ZNF345: variants seen among roughly 807,000 people sequenced by gnomAD.
ZNF345 encodes the protein zinc finger protein 345.
For missense variants in ZNF345, 527 were observed against 589.9 expected (o/e 0.89, Z 1.10); for synonymous variants, 166 against 187.9 (o/e 0.88, Z 0.95).
In ZNF345 at chr19:36,877,226, C is replaced by A; in HGVS notation, c.396C>A (p.Asn132Lys). The change falls in exon 3 of 3, where the codon AAC (asparagine) becomes AAA (lysine). Residue 132 changes from asparagine (N) to lysine (K), a missense_variant. Physicochemically the swap from Asn to Lys is moderately conservative, Grantham distance 94 (BLOSUM62 0). Transcript: ENST00000420450. ...GGAAGGCCTTTGGTAGTGGCTCAAA[C>A]CTTACTCACCATCAGAGAATTCATA... ...ECGKAFGSGSNLTHHQRIHTG... is the reference protein window; with the variant it reads ...ECGKAFGSGSKLTHHQRIHTG... 1 of 1,613,588 alleles carries A rather than the reference C, an allele frequency of 6.2e-7. No homozygotes were observed. The highest frequency in any genetic ancestry group is 8.5e-7 in the Non-Finnish European group (1 of 1,179,786).
chr19:36,872,271 C>G (rs1163076028), intron 2 of ZNF345, among the ~76,000 whole-genome samples: 1 of 152,148 alleles, frequency 6.6e-6, no homozygotes. Context: ...TCAGGTTGCT[C>G]TACTACTGTT....
intron 3 of ZNF345, chr19:36,892,033 G>C (rs370786414): frequency 1.5e-5 from 25 of 1,613,802 alleles, no homozygotes; most frequent in Admixed American, 1.7e-5. Flanking sequence ...ATTAAGGTTT[G>C]AGCAATACTT....
At chr19:36,884,188 C>T (rs746910366), downstream of ZNF345, among the ~76,000 whole-genome samples, 3 of 152,116 alleles carry the variant, frequency 2.0e-5, no homozygotes, top group African/African-American at 4.8e-5. Context: ...GCCTCAGCCT[C>T]GTGAGTAGCT....
At chr19:36,884,764 C>T (rs2072987424) in intron 3 of ZNF345, among the ~76,000 whole-genome samples, 1 of 152,164 alleles carries the variant, frequency 6.6e-6, no homozygotes, top group Admixed American at 6.5e-5. Flanking sequence ...CAAACCAAGA[C>T]ACTGTTATTG....
At position 36,878,104 on chromosome 19, in the gene ZNF345, C is replaced by T; in HGVS notation, c.1274C>T (p.Pro425Leu). The part of the protein sequence containing the change: ...RHQRIHTGEK[P>L]YECKECGKAF... Reference sequence around the variant, plus strand: ...CAGAGAATACACACTGGTGAGAAACCCTATGAATGTAAGGAGTGTGGGAAG... The same window carrying T: ...CAGAGAATACACACTGGTGAGAAACTCTATGAATGTAAGGAGTGTGGGAAG... Residue 425 changes from proline to leucine, a missense_variant, in exon 3 of 3, where the codon CCC becomes CTC. Transcript: ENST00000420450. 1 of 1,614,022 alleles carries T rather than the reference C, an allele frequency of 6.2e-7. No homozygotes were observed. Among genetic ancestry groups the T allele is most frequent in the Non-Finnish European group, 8.5e-7 (1 of 1,179,996 alleles).
At chr19:36,890,133 A>G (rs1032271042) in intron 3 of ZNF345, 3 of 152,070 alleles carry the variant, frequency 2.0e-5, no homozygotes, top group African/African-American at 4.8e-5. Context: ...AAGATGTTAG[A>G]TATGATTTTG....
intron 3 of ZNF345, chr19:36,891,324 C>A (rs757550264): frequency 1.6e-6 from 1 of 616,956 alleles, no homozygotes; most frequent in African/African-American, 1.9e-5. Flanking sequence ...GAATAAATTT[C>A]TCTTGTTTTA....
chr19:36,854,566 A>G (rs2072363055), intron 2 of ZNF345: 1 of 152,252 alleles, frequency 6.6e-6, no homozygotes, highest in South Asian at 2.1e-4. Context: ...TACTGGTAAC[A>G]GTGCCTGAGG....
downstream of ZNF345, among the ~76,000 whole-genome samples, chr19:36,882,510 G>A (rs1177946880): frequency 2.0e-5 from 3 of 152,138 alleles, no homozygotes; most frequent in South Asian, 2.1e-4. Context: ...CTCGTGATCC[G>A]CCCGCCTCGG....
intron 2 of ZNF345, among the ~76,000 whole-genome samples, chr19:36,871,435 T>G (rs747853224): frequency 2.0e-5 from 3 of 152,220 alleles, no homozygotes; most frequent in Admixed American, 1.3e-4. Context: ...ACACTTTTTT[T>G]TGTGAGTCAT....
At chr19:36,866,242 T>G (rs1036431301) in intron 2 of ZNF345, among the ~76,000 whole-genome samples, 5 of 152,156 alleles carry the variant, frequency 3.3e-5, no homozygotes, top group African/African-American at 7.2e-5. Context: ...TTGAGGTTTT[T>G]CCTGAAATAT....
chr19:36,877,322 T>C lies in ZNF345; in HGVS notation c.492T>C (p.His164=). The change falls in exon 3 of 3, where the codon CAT becomes CAC. Residue 164 remains histidine, a synonymous_variant. Coordinates refer to ENST00000420450, the MANE Select transcript of ZNF345 (RefSeq NM_001242472.2). The stretch of plus-strand genomic sequence containing the variant: ...GTTTTGGATCAGGCCTTATTCGACA[T>C]CAGATCATTCACAGTGGTGAGAAGC... The part of the protein sequence containing the change: ...AFSFGSGLIR[H]QIIHSGEKPY... 1 of 1,614,080 alleles carries C rather than the reference T, an allele frequency of 6.2e-7. No homozygotes were observed. The highest frequency in any genetic ancestry group is 2.2e-5 in the East Asian group (1 of 44,840).
chr19:36,875,110 T>C (rs1242841887), intron 2 of ZNF345, among the ~76,000 whole-genome samples: 1 of 152,216 alleles, frequency 6.6e-6, no homozygotes, highest in African/African-American at 2.4e-5. Context: ...ATTATCTTTG[T>C]CTTCATGAAG....
intron 2 of ZNF345, among the ~76,000 whole-genome samples, chr19:36,861,054 A>G (rs951929427): frequency 3.3e-5 from 5 of 152,166 alleles, no homozygotes; most frequent in African/African-American, 1.2e-4. Flanking sequence ...TGTCAATATG[A>G]ATTCATAGAT....
chr19:36,880,536 C>A (rs1486849720), downstream of ZNF345, among the ~76,000 whole-genome samples: 1 of 151,928 alleles, frequency 6.6e-6, no homozygotes, highest in African/African-American at 2.4e-5. Context: ...TGCCTGAAAT[C>A]TCAGCACTTT....
intron 2 of ZNF345, among the ~76,000 whole-genome samples, chr19:36,863,213 A>G (rs1214106387): frequency 2.0e-5 from 3 of 152,002 alleles, no homozygotes; most frequent in Non-Finnish European, 4.4e-5. Context: ...CTGAGATTGG[A>G]CCCTCATTAT....
chr19:36,864,858 A>G (rs928447115), intron 2 of ZNF345, among the ~76,000 whole-genome samples: 3 of 152,200 alleles, frequency 2.0e-5, no homozygotes, highest in African/African-American at 4.8e-5. Context: ...GTTTTGTGCC[A>G]TAAGTGCCTC....
At chr19:36,882,775 A>G (rs748002483), downstream of ZNF345, among the ~76,000 whole-genome samples, 4 of 152,196 alleles carry the variant, frequency 2.6e-5, no homozygotes, top group Admixed American at 1.3e-4. Flanking sequence ...ATTTGTGGCC[A>G]AATATACGTT....
At chr19:36,861,185 G>C (rs1413498686) in intron 2 of ZNF345, among the ~76,000 whole-genome samples, 1 of 152,140 alleles carries the variant, frequency 6.6e-6, no homozygotes, top group Admixed American at 6.5e-5. Context: ...TTGTCTCCAT[G>C]ATTCTTTGAG....
Sources: gnomAD v4.1 joint callset for allele counts (sites outside exome capture counted in the v4.1 genomes callset) on GRCh38, gnomAD v4.1.1 for gene constraint, MANE v1.5 for transcripts, NCBI Gene and HGNC (gene_info 2026-07-23, HGNC 2026-07-21) for gene names.